The following CILK1 variants were observed in gnomAD, a reference collection of about 807,000 sequenced individuals.
The protein encoded by CILK1 is serine/threonine-protein kinase ICK.
Under a neutral mutation model 79.2 loss-of-function variants are expected in CILK1, and 47 were observed. The ratio of observed to expected loss-of-function variants is 0.59; its 90% CI spans 0.47 to 0.76. The LOEUF (loss-of-function observed/expected upper bound fraction) is 0.76. Ranked by LOEUF, CILK1 falls within the 30% of genes least tolerant of loss-of-function variation. The pLI is 0.00. For synonymous variants in CILK1, 266 were observed against 275.9 expected, an observed-to-expected ratio of 0.96 and a Z score of 0.36; for missense variants, 660 against 769.5, an observed-to-expected ratio of 0.86 and a Z score of 1.68.
At chr6:53,043,925 A>G (rs1040586062) in intron 1 of CILK1, among the ~76,000 whole-genome samples, 1 of 152,118 alleles carries the variant, frequency 6.6e-6, no homozygotes, top group African/African-American at 2.4e-5. Context: ...TGTCTTAAAA[A>G]AGAGAAAAGT....
chr6:53,011,454 C>G (rs1036520825), intron 11 of CILK1, among the ~76,000 whole-genome samples: 1 of 152,098 alleles, frequency 6.6e-6, no homozygotes, highest in African/African-American at 2.4e-5. Flanking sequence ...CAAAAATTAG[C>G]CAGGCATGGT....
chr6:53,036,851 A>G (rs1263689461), intron 3 of CILK1, among the ~76,000 whole-genome samples: 1 of 152,172 alleles, frequency 6.6e-6, no homozygotes, highest in Non-Finnish European at 1.5e-5. Context: ...TCACTGGAAG[A>G]CCTCTAATAC....
chr6:53,045,170 GACAGAAC>G (rs1766977356), intron 1 of CILK1, among the ~76,000 whole-genome samples: 1 of 152,158 alleles, frequency 6.6e-6, no homozygotes, highest in Admixed American at 6.5e-5. Context: ...TTGTTGAGAA[GACAGAAC>G]ACTATCATAT....
At chr6:53,044,287 C>G (rs376072241) in intron 1 of CILK1, among the ~76,000 whole-genome samples, 3 of 152,094 alleles carry the variant, frequency 2.0e-5, no homozygotes, top group Non-Finnish European at 4.4e-5. Context: ...CACAGAAGCA[C>G]GAACCCTACT....
At chr6:53,045,695 T>A (rs1232701509) in intron 1 of CILK1, among the ~76,000 whole-genome samples, 2 of 151,954 alleles carry the variant, frequency 1.3e-5, no homozygotes, top group East Asian at 3.9e-4. Context: ...AACCCCACTC[T>A]AAGTTGAGAC....
At chr6:53,053,848 C>T (rs1767655227) in intron 1 of CILK1, among the ~76,000 whole-genome samples, 1 of 152,236 alleles carries the variant, frequency 6.6e-6, no homozygotes, top group Admixed American at 6.5e-5. Context: ...CCACTCAGCA[C>T]TGATCTGCTG....
intron 5 of CILK1, among the ~76,000 whole-genome samples, chr6:53,020,597 G>A (rs1402749719): frequency 6.6e-6 from 1 of 152,100 alleles, no homozygotes; most frequent in Non-Finnish European, 1.5e-5. Context: ...TGTTCAACTG[G>A]TAAAATATAA....
At chr6:53,021,377 T>C (rs1455097697) in intron 5 of CILK1, among the ~76,000 whole-genome samples, 1 of 152,118 alleles carries the variant, frequency 6.6e-6, no homozygotes, top group African/African-American at 2.4e-5. Context: ...CTCTTTCTAC[T>C]TTCTCACTGC....
chr6:53,049,991 G>C (rs752517533), intron 1 of CILK1, among the ~76,000 whole-genome samples: 1 of 152,240 alleles, frequency 6.6e-6, no homozygotes, highest in Middle Eastern at 3.4e-3. Flanking sequence ...AAAGTGTTGG[G>C]GTTACAGGTG....
chr6:53,032,766 T>A lies in CILK1; in HGVS notation c.157-112A>T, dbSNP rs1766055481. 3 of 782,068 alleles carry A rather than the reference T, an allele frequency of 3.8e-6. 1 individual carries two copies. The highest frequency in any genetic ancestry group is 6.1e-6 in the Non-Finnish European group (3 of 491,752). The allele number at this position is 782,068 out of a possible 1,614,324, so 48.4% of individuals were successfully genotyped here. A position where few individuals can be genotyped will look rare whatever the true frequency, so the allele number is the denominator to read the frequency against. On this transcript the variant is annotated intron_variant, in intron 3 of 13. Transcript: ENST00000676107. ...GAAAGAAACAACTAATTTTAGAACC[T>A]CAGAAATGTGCTAAATTATATTTTA...
rs566455525 is a variant in CILK1, at chr6:53,006,366, C to T, written c.1693G>A (p.Gly565Ser). ...YVPSFLKKEI[G>S]SAMQRVHLAP... ...AGGTGTACCCTCTGCATAGCAGAAC[C>T]GATTTCTTTTTTCAGAAAGGAAGGG... The change falls in exon 13 of 14, where the codon GGT becomes AGT. Residue 565 changes from glycine to serine, a missense_variant. By Grantham distance (56) the Gly-to-Ser change is moderately conservative (BLOSUM62 0). Transcript: ENST00000676107. 48 of 1,613,678 alleles carry T rather than the reference C, an allele frequency of 3.0e-5. No individual in the cohort carries two copies. The South Asian group carries it at 4.2e-4, about 14-fold the overall frequency.
intron 13 of CILK1, among the ~76,000 whole-genome samples, chr6:53,005,567 A>C (rs1316979344): frequency 6.6e-6 from 1 of 152,116 alleles, no homozygotes; most frequent in African/African-American, 2.4e-5. Flanking sequence ...TACCTTCCAA[A>C]TATTTACAGA....
intron 5 of CILK1, among the ~76,000 whole-genome samples, chr6:53,023,070 A>T (rs899668024): frequency 1.3e-5 from 2 of 151,934 alleles, no homozygotes; most frequent in African/African-American, 4.8e-5. Context: ...AGTAGCTAGG[A>T]CTACAGGCGC....
intron 2 of CILK1, among the ~76,000 whole-genome samples, chr6:53,040,656 T>C (rs1309680131): frequency 6.6e-6 from 1 of 152,228 alleles, no homozygotes; most frequent in Non-Finnish European, 1.5e-5. Context: ...AGATAATAAA[T>C]GTGTGTTGTT....
intron 1 of CILK1, among the ~76,000 whole-genome samples, chr6:53,060,259 A>G (rs1191322709): frequency 1.3e-5 from 2 of 152,212 alleles, no homozygotes; most frequent in Non-Finnish European, 1.5e-5. Flanking sequence ...ACTTCAGTGA[A>G]AAGGCCTTTT....
chr6:53,018,604 C>T (rs1190490752), intron 6 of CILK1, 103 bp from the exon 7 acceptor site: 1 of 1,146,050 alleles, frequency 8.7e-7, no homozygotes, highest in African/African-American at 1.6e-5. Flanking sequence ...TTCCTATTTT[C>T]TCTCTAGTTC....
chr6:53,026,941 C>A (rs1321453199), intron 5 of CILK1, among the ~76,000 whole-genome samples: 5 of 152,134 alleles, frequency 3.3e-5, no homozygotes, highest in Non-Finnish European at 5.9e-5. Context: ...CATTAATAAC[C>A]CTTGGGCAAG....
At chr6:53,052,097 C>G (rs1489842379) in intron 1 of CILK1, 1 of 152,130 alleles carries the variant, frequency 6.6e-6, no homozygotes. Flanking sequence ...GTTCCCCTCC[C>G]TGTGTCCATG....
chr6:53,003,389 T>C lies in CILK1; in HGVS notation c.*1760A>G, dbSNP rs1764034553. The C allele has an allele frequency of 6.6e-6, 1 of 152,214 alleles. No individual in the cohort carries two copies. Among genetic ancestry groups the C allele is most frequent in the African/African-American group, 2.4e-5 (1 of 41,452 alleles). 9.4% of individuals were successfully genotyped at this position (152,214 alleles called of 1,614,324 possible). A position where few individuals can be genotyped will look rare whatever the true frequency, so the allele number is the denominator to read the frequency against. ...CCAAGGCAATAATTTACCAAGTCAT[T>C]AGGTTGAACCATATGAAAGTGTCTA... On this transcript the variant is annotated 3_prime_UTR_variant, in exon 14 of 14. Transcript: ENST00000676107.
Sources: allele counts gnomAD v4.1 joint callset (sites outside exome capture counted in the v4.1 genomes callset), GRCh38; gene constraint gnomAD v4.1.1; transcripts MANE v1.5; gene names NCBI Gene and HGNC (gene_info 2026-07-23, HGNC 2026-07-21).